The following NBAS variants were observed in gnomAD, a reference collection of about 807,000 sequenced individuals.
NBAS encodes NAG/BC035112 fusion.
In NBAS, 219 loss-of-function variants were observed where a neutral mutation model predicts 302.5. The observed-to-expected ratio is 0.72, with a 90% CI of 0.65 to 0.81. The LOEUF is 0.81. Among genes scored for constraint, NBAS ranks in the 30% least tolerant of loss-of-function variants. NBAS has a pLI of 0.00. For synonymous variants in NBAS, 1,118 were observed against 1,021.6 expected (o/e 1.09, Z -1.80); for missense variants, 2,932 against 2,841.6 (o/e 1.03, Z -0.72).
chr2:15,421,076 C>T lies in NBAS; in HGVS notation c.2577+3239G>A, dbSNP rs544723442. 4.6e-5 allele frequency among the ~76,000 whole-genome samples: 7 copies of T among 152,066 alleles called. No homozygotes were observed. In the East Asian group the frequency reaches 1.4e-3, roughly 29 times the overall value. On this transcript the variant is annotated intron_variant, in intron 23 of 51. Transcript: ENST00000281513. ...GACACATGTTTTTTTACCTTAATGC[C>T]TAGTAATAAAAACAAAGTTCAAGTC...
At chr2:14,789,585 G>T in the NBAS span, among the ~76,000 whole-genome samples, 55 of 152,190 alleles carry the variant, frequency 3.6e-4, no homozygotes, top group Admixed American at 7.2e-4. Context: ...AAAACTATTG[G>T]GCCAGTTAAT....
At chr2:15,421,889 T>A (rs1233776923) in intron 23 of NBAS, among the ~76,000 whole-genome samples, 1 of 152,024 alleles carries the variant, frequency 6.6e-6, no homozygotes, top group Non-Finnish European at 1.5e-5. Context: ...TTTCCATATA[T>A]CTCCTGCCCC....
chr2:15,469,826 G>A (rs1362351873), intron 16 of NBAS, among the ~76,000 whole-genome samples: 9 of 134,814 alleles, frequency 6.7e-5, no homozygotes, highest in African/African-American at 1.7e-4. Context: ...ATCACACACC[G>A]GGGCCTGCTG....
chr2:14,806,402 T>C, the NBAS span, among the ~76,000 whole-genome samples: 12 of 152,194 alleles, frequency 7.9e-5, no homozygotes, highest in Non-Finnish European at 1.6e-4. Context: ...TTCCTTTATT[T>C]TCTACAAATT....
chr2:15,323,384 A>G (rs1671910958), intron 38 of NBAS, among the ~76,000 whole-genome samples: 1 of 152,212 alleles, frequency 6.6e-6, no homozygotes, highest in Admixed American at 6.5e-5. Context: ...GACCACACAC[A>G]GCCATAAAAG....
chr2:15,092,157 C>G, the NBAS span, among the ~76,000 whole-genome samples: 1 of 152,168 alleles, frequency 6.6e-6, no homozygotes. Flanking sequence ...TACTTCTCCA[C>G]TTCAATTGTC....
chr2:15,092,484 G>A, the NBAS span, among the ~76,000 whole-genome samples: 222 of 152,218 alleles, frequency 1.5e-3, no homozygotes, highest in African/African-American at 5.1e-3. Context: ...AATTAGCTCC[G>A]AAAGAAATGA....
the NBAS span, among the ~76,000 whole-genome samples, chr2:14,883,093 C>T: frequency 6.6e-6 from 1 of 152,192 alleles, no homozygotes; most frequent in Non-Finnish European, 1.5e-5. Context: ...TCAACTTAAG[C>T]ATTTGCTTAA....
chr2:15,062,777 G>A, the NBAS span, among the ~76,000 whole-genome samples: 13 of 152,126 alleles, frequency 8.5e-5, no homozygotes, highest in African/African-American at 1.9e-4. Context: ...AGTAAAATCC[G>A]AAAGACAAGA....
chr2:14,959,306 A>T, the NBAS span, among the ~76,000 whole-genome samples: 12 of 152,322 alleles, frequency 7.9e-5, no homozygotes, highest in African/African-American at 2.6e-4. Flanking sequence ...CTTACAACAG[A>T]AGAATCATCG....
chr2:15,254,303 AT>A (rs143949718), intron 44 of NBAS, among the ~76,000 whole-genome samples: 2,776 of 152,174 alleles, frequency 0.018, 76 homozygotes, highest in African/African-American at 0.061. Context: ...CCCAAACTGC[AT>A]TTTAAAAAAC....
the NBAS span, among the ~76,000 whole-genome samples, chr2:14,925,485 A>G: frequency 4.6e-5 from 7 of 152,188 alleles, no homozygotes; most frequent in African/African-American, 1.7e-4. Context: ...AACCCATAAA[A>G]TATGCTCATA....
intron 16 of NBAS, among the ~76,000 whole-genome samples, chr2:15,472,986 C>T (rs935141727): frequency 6.6e-6 from 1 of 152,108 alleles, no homozygotes; most frequent in Non-Finnish European, 1.5e-5. Context: ...AGGCCGAGAC[C>T]AAGTAGTTAG....
In NBAS at chr2:15,167,009, G is replaced by C; in HGVS notation, c.*39C>G. On this transcript the variant is annotated 3_prime_UTR_variant, in exon 52 of 52. Transcript: ENST00000281513. ...CTTCTGGGAACAGCATTCAACTCCA[G>C]ATGCTTTTTCTGCTAAGGAGCAGGG... 1 of 1,509,826 alleles carries C rather than the reference G, an allele frequency of 6.6e-7. No homozygotes were observed. The highest frequency in any genetic ancestry group is 2.3e-5 in the East Asian group (1 of 43,814). 93.5% of individuals were successfully genotyped at this position (1,509,826 alleles called of 1,614,324 possible).
the NBAS span, among the ~76,000 whole-genome samples, chr2:14,924,421 G>C: frequency 6.6e-6 from 1 of 152,202 alleles, no homozygotes; most frequent in Non-Finnish European, 1.5e-5. Context: ...AATCCACAGA[G>C]CCACCACAGG....
intron 33 of NBAS, 138 bp downstream of exon 33, chr2:15,356,165 C>G (rs541422696): frequency 5.6e-6 from 4 of 720,620 alleles, no homozygotes; most frequent in East Asian, 2.7e-5. Flanking sequence ...TATATACTTA[C>G]CAGTGCTCAT....
the NBAS span, among the ~76,000 whole-genome samples, chr2:14,981,941 A>G: frequency 1.3e-5 from 2 of 152,188 alleles, no homozygotes; most frequent in Non-Finnish European, 2.9e-5. Context: ...TGCTCCTCAC[A>G]TCAAAAGATG....
At chr2:15,133,321 G>A in the NBAS span, among the ~76,000 whole-genome samples, 124,375 of 151,130 alleles carry the variant, frequency 0.82, 51,128 homozygotes, top group East Asian at 0.99. Context: ...AGGACATAGC[G>A]GGGGGGGGGC....
chr2:15,460,036 T>C (rs971904585), intron 21 of NBAS, among the ~76,000 whole-genome samples: 13 of 152,176 alleles, frequency 8.5e-5, no homozygotes, highest in Admixed American at 1.3e-4. Context: ...AATTACTCTA[T>C]ACATGTTGAC....
Sources: gnomAD v4.1 joint callset for allele counts (sites outside exome capture counted in the v4.1 genomes callset) on GRCh38, gnomAD v4.1.1 for gene constraint, MANE v1.5 for transcripts, NCBI Gene and HGNC (gene_info 2026-07-23, HGNC 2026-07-21) for gene names.